The following TMEM117 variants were observed in gnomAD, a reference collection of about 807,000 sequenced individuals.
TMEM117 encodes the protein transmembrane protein 117.
A neutral mutation model predicts 52.4 loss-of-function variants in TMEM117; 27 were observed. The observed-to-expected ratio is 0.51, with a 90% CI of 0.38 to 0.71. The LOEUF (loss-of-function observed/expected upper bound fraction) is 0.71, where lower values mean the gene tolerates loss of function less well. Ranked by LOEUF, TMEM117 falls within the 30% of genes least tolerant of loss-of-function variation. The pLI is 0.00. For missense variants in TMEM117, 556 were observed against 630.5 expected, an observed-to-expected ratio of 0.88 and a Z score of 1.26; for synonymous variants, 215 against 206.3, an observed-to-expected ratio of 1.04 and a Z score of -0.36.
chr12:43,914,085 A>G (rs1460846811), intron 2 of TMEM117, among the ~76,000 whole-genome samples: 2 of 152,038 alleles, frequency 1.3e-5, no homozygotes, highest in African/African-American at 4.8e-5. Flanking sequence ...ATCACAGGAG[A>G]AGTCTTTGGC....
In TMEM117 at chr12:44,037,352, C is replaced by G. The variant is rs980495967; in HGVS notation, c.410+93010C>G. Among the ~76,000 whole-genome samples, 9 of 152,280 alleles carry G rather than the reference C, an allele frequency of 5.9e-5. No individual in the cohort carries two copies. In the South Asian group the frequency reaches 6.2e-4, roughly 11 times the overall value. ...CTGCTCCTGCTGCCTGGCCTCTCCC[C>G]ACTCCTGATGCTCACTCCCATTTCA... On this transcript the variant is annotated intron_variant, in intron 3 of 7. Coordinates refer to ENST00000266534, the MANE Select transcript of TMEM117 (RefSeq NM_032256.3).
At chr12:43,843,701 C>T (rs1366999777) in intron 1 of TMEM117, among the ~76,000 whole-genome samples, 2 of 152,124 alleles carry the variant, frequency 1.3e-5, no homozygotes, top group Non-Finnish European at 2.9e-5. Flanking sequence ...CAACCTTAAA[C>T]TTGGGGATAT....
At chr12:43,914,160 G>A (rs1416131561) in intron 2 of TMEM117, among the ~76,000 whole-genome samples, 1 of 152,124 alleles carries the variant, frequency 6.6e-6, no homozygotes, top group Non-Finnish European at 1.5e-5. Flanking sequence ...GCATGGGAGA[G>A]TCGGGGGACA....
chr12:44,126,496 T>C (rs1948327185), intron 3 of TMEM117, among the ~76,000 whole-genome samples: 1 of 152,234 alleles, frequency 6.6e-6, no homozygotes. Context: ...ACCTGTGTTC[T>C]TCTACCTGTA....
At chr12:44,299,476 T>C in intron 5 of TMEM117, 104 bp from the exon 6 acceptor site, 1 of 1,438,748 alleles carries the variant, frequency 7.0e-7, no homozygotes. Flanking sequence ...TTAGGGTAGG[T>C]GCTTGCCAAG....
At chr12:44,021,025 T>C (rs859699) in intron 3 of TMEM117, among the ~76,000 whole-genome samples, 50,169 of 152,010 alleles carry the variant, frequency 0.33, 13,105 homozygotes, top group African/African-American at 0.73. Context: ...GGAGGAAAAC[T>C]CATGGATTTA....
chr12:44,127,307 C>T (rs1948341586), intron 3 of TMEM117, among the ~76,000 whole-genome samples: 1 of 151,620 alleles, frequency 6.6e-6, no homozygotes, highest in African/African-American at 2.4e-5. Flanking sequence ...GCTGTAGTAC[C>T]CAGTTGTTTA....
At chr12:43,929,590 T>C (rs943671491) in intron 2 of TMEM117, among the ~76,000 whole-genome samples, 15 of 152,182 alleles carry the variant, frequency 9.9e-5, no homozygotes, top group Admixed American at 4.6e-4. Flanking sequence ...GTTTTTGACA[T>C]ATGTATATAA....
intron 3 of TMEM117, among the ~76,000 whole-genome samples, chr12:44,127,824 A>G (rs754782242): frequency 6.6e-6 from 1 of 152,214 alleles, no homozygotes. Flanking sequence ...GCTTCTTCCT[A>G]AGAAATTCCA....
At chr12:43,806,416 C>A in the TMEM117 span, 1 of 1,151,488 alleles carries the variant, frequency 8.7e-7, no homozygotes, top group Non-Finnish European at 1.1e-6. Context: ...CGCCGCCCCG[C>A]CGCCCTTCCT....
chr12:43,797,161 T>C, the TMEM117 span: 1 of 1,498,238 alleles, frequency 6.7e-7, no homozygotes, highest in East Asian at 2.3e-5. Flanking sequence ...TAAAACTACA[T>C]ATATAAACTT....
At chr12:43,990,607 C>T (rs1007612958) in intron 3 of TMEM117, among the ~76,000 whole-genome samples, 1 of 152,092 alleles carries the variant, frequency 6.6e-6, no homozygotes, top group Admixed American at 6.6e-5. Flanking sequence ...AATTCTTTAA[C>T]ATTAATTAGG....
intron 3 of TMEM117, among the ~76,000 whole-genome samples, chr12:43,986,761 T>A (rs1371145171): frequency 6.6e-6 from 1 of 152,188 alleles, no homozygotes; most frequent in Non-Finnish European, 1.5e-5. Context: ...AATCATTCTG[T>A]CTTATCCTTC....
intron 3 of TMEM117, among the ~76,000 whole-genome samples, chr12:44,070,116 C>G (rs1947279577): frequency 6.6e-6 from 1 of 152,164 alleles, no homozygotes; most frequent in South Asian, 2.1e-4. Context: ...GTTTTAAACT[C>G]CTGGACTCAA....
At chr12:43,947,575 A>C (rs1337255493) in intron 3 of TMEM117, among the ~76,000 whole-genome samples, 1 of 152,214 alleles carries the variant, frequency 6.6e-6, no homozygotes, top group Non-Finnish European at 1.5e-5. Flanking sequence ...CAGAGAGTGC[A>C]GAAAGGACAG....
At chr12:44,396,848 C>CA in the TMEM117 span, among the ~76,000 whole-genome samples, 1,348 of 66,160 alleles carry the variant, frequency 0.02, 15 homozygotes, top group Middle Eastern at 0.038. Context: ...AGTGAGACTC[C>CA]AAAAAAAAAA....
chr12:44,188,887 G>A (rs1949314187), intron 4 of TMEM117, among the ~76,000 whole-genome samples: 1 of 151,730 alleles, frequency 6.6e-6, no homozygotes, highest in Admixed American at 6.6e-5. Flanking sequence ...TATTGATGTA[G>A]CCCCAGTCTA....
chr12:44,188,068 G>A (rs1949301481), intron 4 of TMEM117, among the ~76,000 whole-genome samples: 1 of 152,100 alleles, frequency 6.6e-6, no homozygotes, highest in Non-Finnish European at 1.5e-5. Flanking sequence ...CAATAAAATA[G>A]TTGTAGATAA....
At chr12:44,126,304 C>T (rs1484993999) in intron 3 of TMEM117, among the ~76,000 whole-genome samples, 1 of 152,186 alleles carries the variant, frequency 6.6e-6, no homozygotes. Context: ...CAAAGGTCAA[C>T]TGTATGTGCT....
Sources: allele counts gnomAD v4.1 joint callset (sites outside exome capture counted in the v4.1 genomes callset), GRCh38; gene constraint gnomAD v4.1.1; transcripts MANE v1.5; gene names NCBI Gene and HGNC (gene_info 2026-07-23, HGNC 2026-07-21).